ATRNL1: variants seen among roughly 807,000 people sequenced by gnomAD.
ATRNL1 encodes attractin-like protein 1.
ATRNL1 carries 95 observed loss-of-function variants against 182.7 expected under a neutral mutation model. The observed-to-expected ratio is 0.52, with a 90% CI of 0.44 to 0.62. The LOEUF (loss-of-function observed/expected upper bound fraction) is 0.62. Ranked by LOEUF, ATRNL1 falls within the 20% of genes least tolerant of loss-of-function variation. The probability of loss-of-function intolerance (pLI) is 0.00; values close to 1 mark genes in which losing one functional copy is unlikely to be tolerated. For synonymous variants in ATRNL1, 576 were observed against 568.3 expected (o/e 1.01, Z -0.19); for missense variants, 1,471 against 1,679.5 (o/e 0.88, Z 2.17).
At chr10:115,141,573 A>T (rs73376353) in intron 5 of ATRNL1, among the ~76,000 whole-genome samples, 1 of 152,156 alleles carries the variant, frequency 6.6e-6, no homozygotes, top group Admixed American at 6.5e-5. Flanking sequence ...TGAATATTTT[A>T]TCTGAAGTAT....
At chr10:115,417,929 C>T (rs1480951191) in intron 20 of ATRNL1, among the ~76,000 whole-genome samples, 1 of 152,088 alleles carries the variant, frequency 6.6e-6, no homozygotes, top group East Asian at 1.9e-4. Context: ...TCTGGAAGGC[C>T]CTCTGAAGAA....
At chr10:115,667,739 G>A (rs1861085145) in intron 26 of ATRNL1, among the ~76,000 whole-genome samples, 1 of 151,744 alleles carries the variant, frequency 6.6e-6, no homozygotes, top group South Asian at 2.1e-4. Context: ...AGTGCAGCCT[G>A]AAACTCCCGG....
chr10:115,475,233 G>T (rs944910212), intron 24 of ATRNL1, among the ~76,000 whole-genome samples: 1 of 151,340 alleles, frequency 6.6e-6, no homozygotes, highest in Non-Finnish European at 1.5e-5. Flanking sequence ...TTTTGGAGAT[G>T]ATTGAAATTA....
At chr10:115,560,789 A>G (rs1554999252) in intron 26 of ATRNL1, among the ~76,000 whole-genome samples, 2 of 152,154 alleles carry the variant, frequency 1.3e-5, no homozygotes, top group Non-Finnish European at 2.9e-5. Flanking sequence ...ATGGTGTGAT[A>G]TGGACATAAG....
intron 5 of ATRNL1, among the ~76,000 whole-genome samples, chr10:115,152,929 G>A (rs1257384586): frequency 1.3e-5 from 2 of 151,952 alleles, no homozygotes; most frequent in African/African-American, 2.4e-5. Context: ...AGCATGAAGG[G>A]CTGTTGAATT....
chr10:115,815,026 T>C (rs189528896), intron 27 of ATRNL1, among the ~76,000 whole-genome samples: 1 of 152,286 alleles, frequency 6.6e-6, no homozygotes, highest in East Asian at 1.9e-4. Flanking sequence ...GAAGAAAATC[T>C]GAGGAGCACA....
At chr10:115,695,205 A>G (rs551048795) in intron 26 of ATRNL1, among the ~76,000 whole-genome samples, 29 of 152,262 alleles carry the variant, frequency 1.9e-4, no homozygotes, top group African/African-American at 7.0e-4. Flanking sequence ...CCTGAGTTCT[A>G]CCAAATTCAA....
intron 5 of ATRNL1, among the ~76,000 whole-genome samples, chr10:115,132,459 C>T (rs1289766605): frequency 6.6e-6 from 1 of 152,128 alleles, no homozygotes; most frequent in Non-Finnish European, 1.5e-5. Context: ...AATGGGATGG[C>T]TGGGTCAAAT....
chr10:115,806,921 T>C (rs1949932780), intron 27 of ATRNL1, among the ~76,000 whole-genome samples: 1 of 152,130 alleles, frequency 6.6e-6, no homozygotes, highest in Non-Finnish European at 1.5e-5. Context: ...TGTTTTTTCA[T>C]CAGTATTAAC....
chr10:115,171,518 C>G lies in ATRNL1; in HGVS notation c.1348+226C>G, dbSNP rs941522758. 3.7e-5 allele frequency: 14 copies of G among 379,536 alleles called. No homozygotes were observed. In the South Asian group the frequency reaches 1.1e-3, roughly 30 times the overall value. The allele number at this position is 379,536 out of a possible 1,614,324, so 23.5% of individuals were successfully genotyped here. A position where few individuals can be genotyped will look rare whatever the true frequency, so the allele number is the denominator to read the frequency against. On this transcript the variant is annotated intron_variant, in intron 8 of 28. Coordinates refer to ENST00000355044, the MANE Select transcript of ATRNL1 (RefSeq NM_207303.4). The stretch of plus-strand genomic sequence containing the variant: ...GAGGGGAAATATTACTTAATAGTCT[C>G]ATTTTCTAAGATTTGTGAATTTTTT...
At chr10:115,766,974 C>T (rs1308087313) in intron 27 of ATRNL1, among the ~76,000 whole-genome samples, 1 of 152,160 alleles carries the variant, frequency 6.6e-6, no homozygotes, top group East Asian at 1.9e-4. Context: ...ATAACATTTG[C>T]TCTCTCTACA....
At chr10:115,210,047 T>A (rs568621374) in intron 8 of ATRNL1, among the ~76,000 whole-genome samples, 23 of 152,138 alleles carry the variant, frequency 1.5e-4, no homozygotes, top group African/African-American at 1.7e-4. Flanking sequence ...AAAGTTTTTT[T>A]AAAAAAGTTT....
chr10:115,720,378 C>T (rs1028084302), intron 26 of ATRNL1, among the ~76,000 whole-genome samples: 2 of 151,308 alleles, frequency 1.3e-5, no homozygotes, highest in Non-Finnish European at 3.0e-5. Flanking sequence ...TTTTCTCTGA[C>T]ATTTCCTAAA....
chr10:115,943,347 A>G (rs930687092), intron 28 of ATRNL1, among the ~76,000 whole-genome samples: 3 of 152,254 alleles, frequency 2.0e-5, no homozygotes, highest in Non-Finnish European at 4.4e-5. Flanking sequence ...CAACCCAATT[A>G]AAAACAGGCA....
intron 27 of ATRNL1, among the ~76,000 whole-genome samples, chr10:115,728,511 T>C (rs1425533679): frequency 6.6e-6 from 1 of 152,174 alleles, no homozygotes; most frequent in Non-Finnish European, 1.5e-5. Context: ...TTTGACTAAT[T>C]TTATGTTGCC....
rs554323790 is a variant in ATRNL1 at position 115,399,024 on chromosome 10, T to G, written c.3269+4272T>G. 2.0e-5 allele frequency among the ~76,000 whole-genome samples: 3 copies of G among 152,256 alleles called. No individual in the cohort carries two copies. The South Asian group carries it at 6.2e-4, about 32-fold the overall frequency. On this transcript the variant is annotated intron_variant, in intron 20 of 28. Transcript: ENST00000355044. ...AATCACATTTGCTGATTTGCTTATG[T>G]TGAACCAACCTTGCATCCCAGGGAT... is the stretch of plus-strand genomic sequence containing the variant.
intron 15 of ATRNL1, among the ~76,000 whole-genome samples, chr10:115,287,603 A>T (rs1479460347): frequency 6.6e-6 from 1 of 152,080 alleles, no homozygotes; most frequent in Non-Finnish European, 1.5e-5. Context: ...GTATGTATTT[A>T]TGGGGTACAT....
At chr10:115,875,027 T>C (rs1951670733) in intron 28 of ATRNL1, among the ~76,000 whole-genome samples, 1 of 152,018 alleles carries the variant, frequency 6.6e-6, no homozygotes. Context: ...TCCAGGCAGG[T>C]GAGGGTCTAG....
chr10:115,864,288 A>G (rs1003470552), intron 28 of ATRNL1, among the ~76,000 whole-genome samples: 12 of 151,828 alleles, frequency 7.9e-5, no homozygotes, highest in Middle Eastern at 3.4e-3. Flanking sequence ...AAAAAAAAAG[A>G]AGTGGGAGAG....
Sources: allele counts gnomAD v4.1 joint callset (sites outside exome capture counted in the v4.1 genomes callset), GRCh38; gene constraint gnomAD v4.1.1; transcripts MANE v1.5; gene names NCBI Gene and HGNC (gene_info 2026-07-23, HGNC 2026-07-21).